Variants in AKAP13 observed in about 807,000 individuals in gnomAD.
The protein encoded by AKAP13 is A-kinase anchor protein 13.
AKAP13 carries 80 observed loss-of-function variants against 264.5 expected under a neutral mutation model. The observed-to-expected ratio is 0.30, with a 90% CI of 0.25 to 0.36. The LOEUF (loss-of-function observed/expected upper bound fraction) is 0.36, where lower values mean the gene tolerates loss of function less well. Ranked by LOEUF, AKAP13 falls within the 10% of genes least tolerant of loss-of-function variation. The pLI, the probability that AKAP13 is intolerant of heterozygous loss-of-function variation, is 1.00. For synonymous variants in AKAP13, 1,380 were observed against 1,250.2 expected (o/e 1.10, Z -2.19); for missense variants, 3,712 against 3,435.2 (o/e 1.08, Z -2.01).
rs578253193 is a variant in AKAP13, at chr15:85,531,630, G to A, written c.182-1954G>A. Among the ~76,000 whole-genome samples, 19 of 152,280 alleles carry A rather than the reference G, an allele frequency of 1.2e-4. 1 individual carries two copies. Among genetic ancestry groups the A allele is most frequent in the South Asian group, 1.2e-3 (6 of 4,824 alleles). On this transcript the variant is annotated intron_variant, in intron 3 of 36. Coordinates refer to ENST00000394518, the MANE Select transcript of AKAP13 (RefSeq NM_007200.5). ...CCTAATTCTCTTTCATATATTAAAT[G>A]CATAAATACCGCATATACATTATTA... is the stretch of plus-strand genomic sequence containing the variant.
intron 13 of AKAP13, among the ~76,000 whole-genome samples, chr15:85,665,838 C>T (rs1176552543): frequency 1.3e-5 from 2 of 152,190 alleles, no homozygotes; most frequent in Non-Finnish European, 2.9e-5. Context: ...CTTCATCCAT[C>T]TCCCTGCAAA....
At chr15:85,643,889 T>C (rs2082424334) in intron 9 of AKAP13, among the ~76,000 whole-genome samples, 2 of 152,212 alleles carry the variant, frequency 1.3e-5, no homozygotes, top group Non-Finnish European at 2.9e-5. Flanking sequence ...AGTGTTCTAC[T>C]TGAGATGTTA....
Position 85,736,220 on chromosome 15 carries a change from C to A in AKAP13, c.7557+86C>A, listed in dbSNP as rs1383733846. 8.6e-6 allele frequency: 9 copies of A among 1,051,336 alleles called. No homozygotes were observed. The East Asian group carries it at 1.6e-4, about 19-fold the overall frequency. The allele number at this position is 1,051,336 out of a possible 1,614,324, so 65.1% of individuals were successfully genotyped here. On this transcript the variant is annotated intron_variant, in intron 33 of 36. Transcript: ENST00000394518. ...TATTGTTTTTTCCTTTTTTTTTTTT[C>A]TTTTTGCTGTTACAAAGAGGCTAAC...
intron 2 of AKAP13, among the ~76,000 whole-genome samples, chr15:85,493,798 A>G (rs1254626684): frequency 6.6e-6 from 1 of 152,186 alleles, no homozygotes; most frequent in Non-Finnish European, 1.5e-5. Flanking sequence ...AGACGGGGTA[A>G]GGGACGAGGG....
At chr15:85,487,392 TG>T (rs1042092048) in intron 2 of AKAP13, among the ~76,000 whole-genome samples, 2 of 152,212 alleles carry the variant, frequency 1.3e-5, no homozygotes, top group Non-Finnish European at 2.9e-5. Flanking sequence ...TTGTTAGGTG[TG>T]GGTTTTTCAC....
Position 85,722,047 on chromosome 15 carries a change from A to G in AKAP13, c.6309A>G (p.Gln2103=), listed in dbSNP as rs1272766994. Residue 2103 remains glutamine (Q), a synonymous_variant, in exon 24 of 37, where the codon CAA becomes CAG. Transcript: ENST00000394518. ...AGACATATGGCAAGTTTTGTGGGCAACATAACCAGTCTGTAAACTACTTCA... is the reference window on the plus strand; with the variant it reads ...AGACATATGGCAAGTTTTGTGGGCAGCATAACCAGTCTGTAAACTACTTCA... ...LKKTYGKFCG[Q]HNQSVNYFKD... The G allele has an allele frequency of 6.2e-7, 1 of 1,614,184 alleles. No individual in the cohort carries two copies. The highest frequency in any genetic ancestry group is 8.5e-7 in the Non-Finnish European group (1 of 1,179,984).
At chr15:85,609,474 T>C (rs895925074) in intron 8 of AKAP13, among the ~76,000 whole-genome samples, 6 of 152,230 alleles carry the variant, frequency 3.9e-5, no homozygotes, top group African/African-American at 4.8e-5. Context: ...CTGAATAATA[T>C]TCTGTTGTGT....
chr15:85,511,721 G>A (rs2076429280), intron 2 of AKAP13, among the ~76,000 whole-genome samples: 1 of 152,094 alleles, frequency 6.6e-6, no homozygotes, highest in South Asian at 2.1e-4. Flanking sequence ...TGCATCTCCT[G>A]GCTCAAGAGA....
At position 85,475,376 on chromosome 15, in the gene AKAP13, A is replaced by C. The variant is rs529041513; in HGVS notation, c.-11-10334A>C. Reference sequence around the variant, plus strand: ...GGATACAGCTGGTGGCAAAATTCTCACCTGTGGAATGGCCATTGGGAGTTT... The same window carrying C: ...GGATACAGCTGGTGGCAAAATTCTCCCCTGTGGAATGGCCATTGGGAGTTT... On this transcript the variant is annotated intron_variant, in intron 1 of 36. Transcript: ENST00000394518. 8.5e-5 allele frequency among the ~76,000 whole-genome samples: 13 copies of C among 152,164 alleles called. No homozygotes were observed. In the South Asian group the frequency reaches 2.7e-3, roughly 32 times the overall value.
At chr15:85,591,777 G>A (rs999397162) in intron 8 of AKAP13, among the ~76,000 whole-genome samples, 1 of 152,088 alleles carries the variant, frequency 6.6e-6, no homozygotes, top group African/African-American at 2.4e-5. Flanking sequence ...TTCTCTCCCT[G>A]GGGCATCTGT....
At chr15:85,427,165 T>C (rs1459380010) in intron 1 of AKAP13, among the ~76,000 whole-genome samples, 2 of 151,832 alleles carry the variant, frequency 1.3e-5, no homozygotes, top group East Asian at 1.9e-4. Flanking sequence ...CCGTGTTAGC[T>C]AGGACGGTCT....
At chr15:85,596,291 CAT>C (rs1353870034) in intron 8 of AKAP13, among the ~76,000 whole-genome samples, 1 of 152,080 alleles carries the variant, frequency 6.6e-6, no homozygotes, top group Non-Finnish European at 1.5e-5. Flanking sequence ...CATTAGTATT[CAT>C]ATATATATTT....
At chr15:85,413,025 T>C (rs2072056342) in intron 1 of AKAP13, among the ~76,000 whole-genome samples, 1 of 152,066 alleles carries the variant, frequency 6.6e-6, no homozygotes, top group Non-Finnish European at 1.5e-5. Flanking sequence ...TTAGACTTAG[T>C]TTAAGTTGAA....
At chr15:85,582,709 C>G (rs1487093013) in intron 7 of AKAP13, among the ~76,000 whole-genome samples, 1 of 151,684 alleles carries the variant, frequency 6.6e-6, no homozygotes, top group Non-Finnish European at 1.5e-5. Context: ...ACGGGGAACT[C>G]CTTCCTTTTC....
chr15:85,408,480 A>T (rs953119034), intron 1 of AKAP13, among the ~76,000 whole-genome samples: 4 of 151,530 alleles, frequency 2.6e-5, no homozygotes, highest in South Asian at 2.1e-4. Context: ...ATAACTTTCT[A>T]TTTCTCTCTC....
intron 2 of AKAP13, among the ~76,000 whole-genome samples, chr15:85,496,187 C>G (rs892197249): frequency 1.3e-5 from 2 of 152,134 alleles, no homozygotes; most frequent in African/African-American, 4.8e-5. Flanking sequence ...CAAAGCACCC[C>G]CACCTCCTTT....
At chr15:85,593,467 C>G (rs938666945) in intron 8 of AKAP13, among the ~76,000 whole-genome samples, 1 of 151,068 alleles carries the variant, frequency 6.6e-6, no homozygotes, top group African/African-American at 2.4e-5. Context: ...CTCCTGGGCA[C>G]AAGTGATCCT....
At chr15:85,392,658 A>T (rs1367543878) in intron 1 of AKAP13, among the ~76,000 whole-genome samples, 3 of 152,026 alleles carry the variant, frequency 2.0e-5, no homozygotes. Context: ...CTCCCACTCC[A>T]GCCTTCCTAG....
chr15:85,650,766 AAAAAAAAAAAAAAAAAAAAAAAAAC>A (rs1474813417), intron 10 of AKAP13, among the ~76,000 whole-genome samples: 28 of 131,650 alleles, frequency 2.1e-4, no homozygotes, highest in Admixed American at 1.9e-3. Context: ...AAAAAAAAAA[AAAAAAAAAAAAAAAAAAAAAAAAAC>A]AACAAAAACT....
Sources: allele counts gnomAD v4.1 joint callset (sites outside exome capture counted in the v4.1 genomes callset), GRCh38; gene constraint gnomAD v4.1.1; transcripts MANE v1.5; gene names NCBI Gene and HGNC (gene_info 2026-07-23, HGNC 2026-07-21).